Variants in SLCO1B3 observed in about 807,000 individuals in gnomAD.
SLCO1B3 encodes solute carrier organic anion transporter family member 1B3, also known as liver-specific organic anion transporter 2.
In SLCO1B3, 72 loss-of-function variants were observed where a neutral mutation model predicts 71.8. The ratio of observed to expected loss-of-function variants is 1.00; its 90% CI spans 0.83 to 1.22. The LOEUF is 1.22. SLCO1B3 is among the 50% of genes most tolerant of loss of function. SLCO1B3 has a pLI of 0.00. For missense variants in SLCO1B3, 911 were observed against 819.7 expected (o/e 1.11, Z -1.36); for synonymous variants, 298 against 278.4 (o/e 1.07, Z -0.70).
intron 15 of SLCO1B3, among the ~76,000 whole-genome samples, chr12:20,909,520 G>C (rs1866330611): frequency 6.6e-6 from 1 of 151,268 alleles, no homozygotes; most frequent in Non-Finnish European, 1.5e-5. Context: ...TATTTTTTGT[G>C]GGGAGATATA....
intron 15 of SLCO1B3, 151 bp from the exon 16 acceptor site, chr12:20,915,853 C>A: frequency 1.8e-6 from 1 of 550,686 alleles, no homozygotes; most frequent in Non-Finnish European, 3.1e-6. Context: ...CTTATGCCCC[C>A]AATGAAAATA....
chr12:20,875,141 A>G (rs920895182), intron 8 of SLCO1B3, 94 bp from the exon 9 acceptor site: 74 of 1,395,556 alleles, frequency 5.3e-5, no homozygotes, highest in Admixed American at 3.7e-4. Flanking sequence ...TACTTTCTTC[A>G]TCTATGGAGG....
At chr12:20,843,316 C>T (rs1864840925) in intron 3 of SLCO1B3, among the ~76,000 whole-genome samples, 1 of 152,110 alleles carries the variant, frequency 6.6e-6, no homozygotes, top group African/African-American at 2.4e-5. Flanking sequence ...ACAATATCTT[C>T]AGTATTTGAT....
intron 3 of SLCO1B3, among the ~76,000 whole-genome samples, chr12:20,851,417 G>C (rs1301789640): frequency 6.6e-6 from 1 of 152,124 alleles, no homozygotes; most frequent in Non-Finnish European, 1.5e-5. Flanking sequence ...CTTATGATTA[G>C]TGATGTTGAG....
chr12:20,870,545 G>A (rs1865456676), intron 8 of SLCO1B3, among the ~76,000 whole-genome samples: 1 of 151,978 alleles, frequency 6.6e-6, no homozygotes, highest in Non-Finnish European at 1.5e-5. Context: ...TCATTTTCTT[G>A]TATGTGAATA....
intron 3 of SLCO1B3, among the ~76,000 whole-genome samples, chr12:20,853,771 G>T (rs1249406622): frequency 6.6e-6 from 1 of 151,052 alleles, no homozygotes; most frequent in Non-Finnish European, 1.5e-5. Context: ...TTAATTTCAG[G>T]TTTGTTTTTG....
intron 8 of SLCO1B3, among the ~76,000 whole-genome samples, chr12:20,868,001 A>C (rs979755552): frequency 3.3e-5 from 5 of 152,152 alleles, no homozygotes; most frequent in Admixed American, 1.3e-4. Flanking sequence ...GGATGATGAA[A>C]AGCGTTATGA....
At position 20,880,911 on chromosome 12, in the gene SLCO1B3, G is replaced by T. The variant is rs1222768689; in HGVS notation, c.1388G>T (p.Cys463Phe). 1 of 1,611,052 alleles carries T rather than the reference G, an allele frequency of 6.2e-7. No homozygotes were observed. Among genetic ancestry groups the T allele is most frequent in the African/African-American group, 1.3e-5 (1 of 74,790 alleles). Residue 463 changes from cysteine (C) to phenylalanine (F), a missense_variant, in exon 12 of 16, where the codon TGC (cysteine) becomes TTC (phenylalanine). Transcript: ENST00000381545. ...CCACTTTCTTATTGCAACTCAGAGT[G>T]CAATTGTGATGAAAGTCAGTGGGAA... ...DVPLSYCNSE[C>F]NCDESQWEPV...
rs778780143 is a variant in SLCO1B3 at position 20,861,138 on chromosome 12, G to A, written c.481G>A (p.Asp161Asn). 2.5e-6 allele frequency: 4 copies of A among 1,574,388 alleles called. No homozygotes were observed. The highest frequency in any genetic ancestry group is 3.4e-6 in the Non-Finnish European group (4 of 1,162,466). The change falls in exon 6 of 16, where the codon GAT becomes AAT. Residue 161 changes from aspartate to asparagine, a missense_variant and splice_region_variant. Coordinates refer to ENST00000381545, the MANE Select transcript of SLCO1B3 (RefSeq NM_019844.4). ...NGTSPEIVEK[D>N]CVKESGSHMW... is the part of the protein sequence containing the mutation. ...AACATCACCTGAGATAGTAGAAAAAGGTAAGAATTAATAGTGACAGTAAAA... is the reference window on the plus strand; with the variant it reads ...AACATCACCTGAGATAGTAGAAAAAAGTAAGAATTAATAGTGACAGTAAAA...
intron 15 of SLCO1B3, among the ~76,000 whole-genome samples, chr12:20,914,214 C>T (rs556710926): frequency 3.9e-5 from 6 of 151,978 alleles, no homozygotes; most frequent in African/African-American, 7.2e-5. Context: ...TCTGTCTTCC[C>T]GTTTTGTTTT....
At chr12:20,873,935 C>T (rs1384219193) in intron 8 of SLCO1B3, among the ~76,000 whole-genome samples, 1 of 152,152 alleles carries the variant, frequency 6.6e-6, no homozygotes, top group African/African-American at 2.4e-5. Context: ...AGGACATTAT[C>T]TCCTTCCTTT....
intron 3 of SLCO1B3, among the ~76,000 whole-genome samples, chr12:20,842,303 A>G (rs1864819322): frequency 1.3e-5 from 2 of 152,210 alleles, no homozygotes; most frequent in Admixed American, 6.5e-5. Context: ...TTGACCTATC[A>G]TAATTGAGAA....
At chr12:20,868,632 G>A (rs901881841) in intron 8 of SLCO1B3, among the ~76,000 whole-genome samples, 20 of 148,542 alleles carry the variant, frequency 1.3e-4, no homozygotes, top group East Asian at 2.0e-4. Flanking sequence ...GTGCGGAGAT[G>A]AGAGAGTGTA....
rs779649989 is a variant in SLCO1B3, at chr12:20,854,999, AT to A, written c.85-25del. ...CATTATATAGTTCTTTGATTAACCA[AT>A]TTTCATTTTTTCTTCTATTGTTTTT... On this transcript the variant is annotated intron_variant, in intron 3 of 15. Transcript: ENST00000381545. The A allele has an allele frequency of 2.1e-4, 333 of 1,599,196 alleles. 1 individual carries two copies. The highest frequency in any genetic ancestry group is 2.8e-4 in the Non-Finnish European group (331 of 1,174,472).
At chr12:20,915,736 T>A (rs984333395) in intron 15 of SLCO1B3, among the ~76,000 whole-genome samples, 3 of 152,126 alleles carry the variant, frequency 2.0e-5, no homozygotes, top group Non-Finnish European at 4.4e-5. Context: ...ATGAGATGGC[T>A]TGAGGGGGCT....
chr12:20,889,574 T>C (rs1386021590), intron 13 of SLCO1B3, among the ~76,000 whole-genome samples: 1 of 152,150 alleles, frequency 6.6e-6, no homozygotes, highest in Non-Finnish European at 1.5e-5. Context: ...TGATTGTCCT[T>C]ATTTGAATCT....
chr12:20,911,184 T>C (rs1565610921), intron 15 of SLCO1B3, among the ~76,000 whole-genome samples: 1 of 152,160 alleles, frequency 6.6e-6, no homozygotes, highest in African/African-American at 2.4e-5. Flanking sequence ...TCAAATGCAT[T>C]TTCTGCATCT....
In SLCO1B3 at chr12:20,867,219, G is replaced by C. The variant is rs1865390545; in HGVS notation, c.727+4365G>C. 2.0e-5 allele frequency among the ~76,000 whole-genome samples: 3 copies of C among 152,072 alleles called. No individual in the cohort carries two copies. In the South Asian group the frequency reaches 6.2e-4, roughly 32 times the overall value. Reference sequence around the variant, plus strand: ...TACATGTTACCCTATAGAAAGGATTGTAAATACTGTGGAAGAGAACCCCAA... The same window carrying C: ...TACATGTTACCCTATAGAAAGGATTCTAAATACTGTGGAAGAGAACCCCAA... On this transcript the variant is annotated intron_variant, in intron 8 of 15. Transcript: ENST00000381545.
At chr12:20,857,249 C>G (rs1314074114) in intron 4 of SLCO1B3, among the ~76,000 whole-genome samples, 1 of 152,092 alleles carries the variant, frequency 6.6e-6, no homozygotes, top group Non-Finnish European at 1.5e-5. Flanking sequence ...CTCTATCTTT[C>G]TACGTTATTT....
Sources: allele counts gnomAD v4.1 joint callset (sites outside exome capture counted in the v4.1 genomes callset), GRCh38; gene constraint gnomAD v4.1.1; transcripts MANE v1.5; gene names NCBI Gene and HGNC (gene_info 2026-07-23, HGNC 2026-07-21).